PIGB: variants seen among roughly 807,000 people sequenced by gnomAD.
PIGB encodes GPI alpha-1,2-mannosyltransferase 3.
In PIGB, 58 loss-of-function variants were observed where a neutral mutation model predicts 68.4. The ratio of observed to expected loss-of-function variants is 0.85; its 90% CI spans 0.69 to 1.06. The LOEUF (loss-of-function observed/expected upper bound fraction) is 1.06, where lower values mean the gene tolerates loss of function less well. Ranked by LOEUF, PIGB falls within the 50% of genes least tolerant of loss-of-function variation. PIGB has a pLI of 0.00. For synonymous variants in PIGB, 219 were observed against 220.5 expected, an observed-to-expected ratio of 0.99 and a Z score of 0.06; for missense variants, 634 against 655.8, an observed-to-expected ratio of 0.97 and a Z score of 0.36.
In PIGB at chr15:55,320,345, G is replaced by A. The variant is rs781403925; in HGVS notation, c.234G>A (p.Val78=). 3 of 1,612,836 alleles carry A rather than the reference G, an allele frequency of 1.9e-6. No homozygotes were observed. Among genetic ancestry groups the A allele is most frequent in the Admixed American group, 3.3e-5 (2 of 59,960 alleles). The change falls in exon 2 of 12, where the codon GTG becomes GTA. Residue 78 remains valine, a synonymous_variant. Transcript: ENST00000164305. ...IALRILNCFL[V]QTSFVPDEYW... Reference sequence around the variant, plus strand: ...TACGAATATTAAACTGCTTTTTAGTGCAGACAAGTTTTGTTCCAGATGAAT... The same window carrying A: ...TACGAATATTAAACTGCTTTTTAGTACAGACAAGTTTTGTTCCAGATGAAT...
At chr15:55,325,337 C>T (rs1280046914) in intron 3 of PIGB, among the ~76,000 whole-genome samples, 1 of 151,918 alleles carries the variant, frequency 6.6e-6, no homozygotes, top group Non-Finnish European at 1.5e-5. Context: ...CACACACACA[C>T]ACAAAATAAA....
intron 6 of PIGB, among the ~76,000 whole-genome samples, chr15:55,338,904 G>A (rs1305165471): frequency 6.6e-5 from 10 of 152,120 alleles, no homozygotes; most frequent in South Asian, 4.1e-4. Flanking sequence ...TACAATTCAT[G>A]AGCGACCTCG....
intron 9 of PIGB, among the ~76,000 whole-genome samples, chr15:55,347,364 T>C (rs1275194597): frequency 6.6e-6 from 1 of 152,160 alleles, no homozygotes; most frequent in Non-Finnish European, 1.5e-5. Context: ...GAGGTGGAGG[T>C]TGCAGTGAGC....
Position 55,355,376 on chromosome 15 carries a change from AT to A in PIGB, c.1610del (p.Ile537AsnfsTer8), listed in dbSNP as rs1566962866. The A allele has an allele frequency of 6.2e-7, 1 of 1,611,746 alleles. No individual in the cohort carries two copies. Among genetic ancestry groups the A allele is most frequent in the Non-Finnish European group, 8.5e-7 (1 of 1,178,134 alleles). ...HLPEGRIGSHIYVYERKLKGK... is the reference protein window; with the variant it reads ...HLPEGRIGSHXYVYERKLKGK... ...GCCAGAGGGTCGAATTGGAAGTCACATATATGTCTATGAACGGAAGTTAAAA... is the reference window on the plus strand; with the variant it reads ...GCCAGAGGGTCGAATTGGAAGTCACAATATGTCTATGAACGGAAGTTAAAA... On this transcript the variant is annotated frameshift_variant, in exon 12 of 12. Coordinates refer to ENST00000164305, the MANE Select transcript of PIGB (RefSeq NM_004855.5). LOFTEE classifies it high-confidence loss of function.
intron 3 of PIGB, among the ~76,000 whole-genome samples, chr15:55,322,320 A>T (rs1295735923): frequency 6.6e-6 from 1 of 152,194 alleles, no homozygotes; most frequent in African/African-American, 2.4e-5. Flanking sequence ...AAACTTTAAA[A>T]TTTTTAATTT....
At position 55,355,392 on chromosome 15, in the gene PIGB, G is replaced by A. The variant is rs1379994163; in HGVS notation, c.1625G>A (p.Arg542Gln). Residue 542 changes from arginine (R) to glutamine (Q), a missense_variant, in exon 12 of 12, where the codon CGG becomes CAG. By Grantham distance (43) the Arg-to-Gln change is conservative. Coordinates refer to ENST00000164305, the MANE Select transcript of PIGB (RefSeq NM_004855.5). ...GGAAGTCACATATATGTCTATGAAC[G>A]GAAGTTAAAAGGGAAATTCAACATG... ...RIGSHIYVYE[R>Q]KLKGKFNMKM... The A allele has an allele frequency of 7.5e-6, 12 of 1,608,168 alleles. No homozygotes were observed. The highest frequency in any genetic ancestry group is 1.3e-5 in the African/African-American group (1 of 74,670).
rs756358630 is a variant in PIGB at position 55,355,414 on chromosome 15, C to G, written c.1647C>G (p.Asn549Lys). The change falls in exon 12 of 12, where the codon AAC becomes AAG. Residue 549 changes from asparagine (N) to lysine (K), a missense_variant. Physicochemically the swap from Asn to Lys is moderately conservative, Grantham distance 94. Coordinates refer to ENST00000164305, the MANE Select transcript of PIGB (RefSeq NM_004855.5). ...VYERKLKGKF[N>K]MKMKF ...AACGGAAGTTAAAAGGGAAATTCAA[C>G]ATGAAGATGAAATTCTGAACTTTCC... 4 of 1,606,260 alleles carry G rather than the reference C, an allele frequency of 2.5e-6. No individual in the cohort carries two copies. Among genetic ancestry groups the G allele is most frequent in the South Asian group, 1.1e-5 (1 of 89,220 alleles).
chr15:55,338,158 T>C (rs1333182534), intron 6 of PIGB, among the ~76,000 whole-genome samples: 1 of 152,128 alleles, frequency 6.6e-6, no homozygotes, highest in Non-Finnish European at 1.5e-5. Context: ...AGCTTTACCT[T>C]CATAGCGTAT....
At chr15:55,343,732 A>G (rs1028539257) in intron 9 of PIGB, among the ~76,000 whole-genome samples, 1 of 152,188 alleles carries the variant, frequency 6.6e-6, no homozygotes, top group Non-Finnish European at 1.5e-5. Flanking sequence ...CTGTCTACTT[A>G]GAAGGATCCC....
intron 5 of PIGB, among the ~76,000 whole-genome samples, chr15:55,331,543 G>A (rs955592679): frequency 7.2e-5 from 11 of 151,894 alleles, no homozygotes; most frequent in African/African-American, 1.2e-4. Context: ...GTGAAACCCC[G>A]TCTCCACTAA....
chr15:55,320,712 T>G (rs2055144071), intron 2 of PIGB, among the ~76,000 whole-genome samples: 1 of 152,204 alleles, frequency 6.6e-6, no homozygotes, highest in Non-Finnish European at 1.5e-5. Context: ...AACTTTTATG[T>G]GGTCTCTCTC....
At chr15:55,331,978 AT>A (rs1213875545) in intron 5 of PIGB, among the ~76,000 whole-genome samples, 1 of 151,090 alleles carries the variant, frequency 6.6e-6, no homozygotes, top group Non-Finnish European at 1.5e-5. Flanking sequence ...TCTCATTTTT[AT>A]TTTATTTTTT....
chr15:55,350,972 C>A, intron 10 of PIGB, 60 bp downstream of exon 10: 2 of 821,648 alleles, frequency 2.4e-6, no homozygotes, highest in East Asian at 2.6e-5. Context: ...CTTTAAAATT[C>A]CCTTTCAGAT....
intron 3 of PIGB, among the ~76,000 whole-genome samples, chr15:55,321,814 G>A (rs1037275700): frequency 2.0e-5 from 3 of 148,606 alleles, no homozygotes; most frequent in South Asian, 2.1e-4. Context: ...CACCATGCCC[G>A]GCTAATTTTG....
At chr15:55,335,987 A>G (rs1318922948) in intron 6 of PIGB, among the ~76,000 whole-genome samples, 1 of 151,978 alleles carries the variant, frequency 6.6e-6, no homozygotes, top group African/African-American at 2.4e-5. Context: ...GCATTTGATA[A>G]TTCAGAAGTG....
intron 4 of PIGB, 83 bp from the exon 5 acceptor site, chr15:55,329,641 A>T: frequency 9.3e-7 from 1 of 1,080,026 alleles, no homozygotes; most frequent in Non-Finnish European, 1.3e-6. Flanking sequence ...CAATATTTAG[A>T]CTTGCTTGCT....
At chr15:55,340,517 C>A in intron 7 of PIGB, 95 bp from the exon 8 acceptor site, 2 of 686,150 alleles carry the variant, frequency 2.9e-6, no homozygotes, top group Non-Finnish European at 4.7e-6. Flanking sequence ...GACTTCAATT[C>A]TGATTTAATG....
Position 55,354,814 on chromosome 15 carries a change from C to G in PIGB, c.1354C>G (p.Leu452Val), listed in dbSNP as rs749012470. Residue 452 changes from leucine (L) to valine (V), a missense_variant, in exon 11 of 12, where the codon CTT (leucine) becomes GTT (valine). Physicochemically the swap from Leu to Val is conservative, Grantham distance 32 (BLOSUM62 1). Transcript: ENST00000164305. ...TTTTCATAGCCATGTTCACTGCCCA[C>G]TTCCCATGAGATTTCTCCAGTGCCC... ...TPYYSHVHCP[L>V]PMRFLQCPPD... is the part of the protein sequence containing the mutation. The G allele has an allele frequency of 1.2e-6, 2 of 1,609,954 alleles. No individual in the cohort carries two copies. Among genetic ancestry groups the G allele is most frequent in the Middle Eastern group, 1.6e-4 (1 of 6,072 alleles).
chr15:55,331,384 T>C (rs1280179060), intron 5 of PIGB, among the ~76,000 whole-genome samples: 1 of 152,114 alleles, frequency 6.6e-6, no homozygotes, highest in Non-Finnish European at 1.5e-5. Flanking sequence ...ATTCCAGACC[T>C]GACAATAAAA....
Sources: allele counts gnomAD v4.1 joint callset (sites outside exome capture counted in the v4.1 genomes callset), GRCh38; gene constraint gnomAD v4.1.1; transcripts MANE v1.5; gene names NCBI Gene and HGNC (gene_info 2026-07-23, HGNC 2026-07-21).